The following NTRK3 variants were observed in gnomAD, a reference collection of about 807,000 sequenced individuals.
The protein encoded by NTRK3 is NT-3 growth factor receptor.
Under a neutral mutation model 91.7 loss-of-function variants are expected in NTRK3, and 24 were observed. That is an observed-to-expected ratio of 0.26 (90% CI 0.19 to 0.37). The LOEUF (loss-of-function observed/expected upper bound fraction) is 0.37, where lower values mean the gene tolerates loss of function less well. Among genes scored for constraint, NTRK3 ranks in the 10% least tolerant of loss-of-function variants. NTRK3 has a pLI of 1.00. For synonymous variants in NTRK3, 483 were observed against 404.0 expected, an observed-to-expected ratio of 1.20 and a Z score of -2.34; for missense variants, 880 against 1,068.9, an observed-to-expected ratio of 0.82 and a Z score of 2.46.
chr15:87,997,246 A>G (rs554478284), intron 14 of NTRK3, among the ~76,000 whole-genome samples: 12 of 152,354 alleles, frequency 7.9e-5, no homozygotes, highest in African/African-American at 2.2e-4. Context: ...GTCTGGCAAC[A>G]ATTGGCATGA....
intron 14 of NTRK3, among the ~76,000 whole-genome samples, chr15:88,008,069 T>C (rs566834764): frequency 6.6e-6 from 1 of 152,316 alleles, no homozygotes; most frequent in South Asian, 2.1e-4. Flanking sequence ...GAGAGGTTCC[T>C]ATTCAGAAGA....
intron 13 of NTRK3, among the ~76,000 whole-genome samples, chr15:88,080,129 C>T (rs555935470): frequency 1.3e-5 from 2 of 152,260 alleles, no homozygotes; most frequent in East Asian, 3.9e-4. Flanking sequence ...CAATCATTTC[C>T]AATTTTCCAT....
chr15:88,135,921 G>A (rs763046266), exon 9 of NTRK3: 1 of 1,614,226 alleles, frequency 6.2e-7, no homozygotes, highest in Non-Finnish European at 8.5e-7. Flanking sequence ...GGGCAACACT[G>A]GCATTGCTCA....
intron 15 of NTRK3, among the ~76,000 whole-genome samples, chr15:87,939,460 T>C (rs1264364550): frequency 6.6e-6 from 1 of 152,226 alleles, no homozygotes; most frequent in Non-Finnish European, 1.5e-5. Context: ...GCACCCAGGC[T>C]CTTTGATGCC....
intron 5 of NTRK3, among the ~76,000 whole-genome samples, chr15:88,161,880 G>A (rs2044488886): frequency 6.6e-6 from 1 of 152,204 alleles, no homozygotes; most frequent in African/African-American, 2.4e-5. Context: ...ATATTCAGGA[G>A]CTGGCAGGGA....
At chr15:88,008,474 C>T (rs940207865) in intron 14 of NTRK3, among the ~76,000 whole-genome samples, 2 of 152,018 alleles carry the variant, frequency 1.3e-5, no homozygotes, top group African/African-American at 4.8e-5. Context: ...CTCCGAGGTT[C>T]TTGGACACAG....
intron 14 of NTRK3, among the ~76,000 whole-genome samples, chr15:88,029,962 C>A (rs1395176604): frequency 2.0e-5 from 3 of 152,198 alleles, no homozygotes; most frequent in Non-Finnish European, 4.4e-5. Context: ...GAGGATTAGA[C>A]AAATGCAGCT....
At chr15:87,886,697 T>TATATATAC (rs1335887821) in intron 17 of NTRK3, among the ~76,000 whole-genome samples, 10 of 135,878 alleles carry the variant, frequency 7.4e-5, no homozygotes, top group African/African-American at 2.3e-4. Flanking sequence ...TATATATATA[T>TATATATAC]ATACATATAT....
chr15:87,905,593 G>C (rs929426612), intron 17 of NTRK3, among the ~76,000 whole-genome samples: 1 of 152,132 alleles, frequency 6.6e-6, no homozygotes, highest in Admixed American at 6.5e-5. Context: ...CCTAAGACTG[G>C]ATGAGGTCAG....
intron 13 of NTRK3, among the ~76,000 whole-genome samples, chr15:88,077,619 C>A (rs963411384): frequency 2.0e-5 from 3 of 152,112 alleles, no homozygotes; most frequent in Non-Finnish European, 2.9e-5. Context: ...AGGGGAACAA[C>A]GACGACGTTA....
intron 13 of NTRK3, among the ~76,000 whole-genome samples, chr15:88,110,355 C>A (rs775536336): frequency 2.0e-4 from 31 of 152,292 alleles, no homozygotes; most frequent in South Asian, 1.5e-3. Flanking sequence ...AAATGCAAGG[C>A]AAGAGCTGTT....
At chr15:87,906,228 C>T (rs933492878) in intron 17 of NTRK3, among the ~76,000 whole-genome samples, 4 of 152,204 alleles carry the variant, frequency 2.6e-5, no homozygotes, top group Non-Finnish European at 5.9e-5. Context: ...ATAATGTCTT[C>T]ATGAGAACAG....
intron 13 of NTRK3, among the ~76,000 whole-genome samples, chr15:88,068,341 G>T (rs375940960): frequency 1.6e-4 from 25 of 152,288 alleles, no homozygotes; most frequent in African/African-American, 6.0e-4. Flanking sequence ...CTGAGGAAGA[G>T]AATTGCTTGA....
At chr15:87,950,954 C>T (rs2071049862) in intron 14 of NTRK3, among the ~76,000 whole-genome samples, 1 of 152,202 alleles carries the variant, frequency 6.6e-6, no homozygotes, top group African/African-American at 2.4e-5. Context: ...CATAGAGTAT[C>T]CATGTCTTCA....
intron 17 of NTRK3, among the ~76,000 whole-genome samples, chr15:87,905,186 C>T (rs1326769439): frequency 1.3e-5 from 2 of 152,308 alleles, no homozygotes; most frequent in South Asian, 2.1e-4. Flanking sequence ...ACCCCTATGA[C>T]ACATGTTGTG....
intron 17 of NTRK3, among the ~76,000 whole-genome samples, chr15:87,886,619 C>A (rs2065548727): frequency 1.4e-5 from 2 of 146,210 alleles, no homozygotes; most frequent in African/African-American, 5.0e-5. Flanking sequence ...ACCAACAAAC[C>A]AGTGGCTTCC....
rs564449073 is a variant in NTRK3 at position 88,237,218 on chromosome 15, G to A, written c.248+18688C>T. Among the ~76,000 whole-genome samples, 1 of 152,200 alleles carries A rather than the reference G, an allele frequency of 6.6e-6. No individual in the cohort carries two copies. Among genetic ancestry groups the A allele is most frequent in the East Asian group, 1.9e-4 (1 of 5,186 alleles). On this transcript the variant is annotated intron_variant, in intron 3 of 18. Coordinates refer to ENST00000394480, the Ensembl canonical transcript of NTRK3. This position sits in a 1 kb window ranked among gnomAD's most constrained non-coding sequence, Gnocchi z 4.0. ...GTGCCATATTAATTGCAGAGTCTAG[G>A]GCGTAGTTTTATGGATGTTCACAGC...
intron 13 of NTRK3, among the ~76,000 whole-genome samples, chr15:88,116,838 T>C (rs776006869): frequency 6.6e-6 from 1 of 152,212 alleles, no homozygotes; most frequent in Non-Finnish European, 1.5e-5. Flanking sequence ...CCAGCAATCA[T>C]TCAGGATCAC....
chr15:88,018,588 G>A (rs1271841701), intron 14 of NTRK3, among the ~76,000 whole-genome samples: 1 of 152,102 alleles, frequency 6.6e-6, no homozygotes, highest in Non-Finnish European at 1.5e-5. Flanking sequence ...TAGAAAGAAT[G>A]ACTTCATGAA....
Sources: gnomAD v4.1 joint callset for allele counts (sites outside exome capture counted in the v4.1 genomes callset) on GRCh38, gnomAD v4.1.1 for gene constraint, Gnocchi (gnomAD v3.1) non-coding constraint, MANE v1.5 for transcripts, NCBI Gene and HGNC (gene_info 2026-07-23, HGNC 2026-07-21) for gene names.